C2orf76: variants seen among roughly 807,000 people sequenced by gnomAD.
C2orf76 encodes UPF0538 protein C2orf76.
Under a neutral mutation model 16.9 loss-of-function variants are expected in C2orf76, and 23 were observed. The ratio of observed to expected loss-of-function variants is 1.36; its 90% CI spans 0.98 to 1.93. The LOEUF (loss-of-function observed/expected upper bound fraction) is 1.93. Among genes scored for constraint, C2orf76 ranks in the 30% most tolerant of loss-of-function variants. C2orf76 has a pLI of 0.00. For missense variants in C2orf76, 152 were observed against 152.6 expected (o/e 1.00, Z 0.02); for synonymous variants, 48 against 52.3 (o/e 0.92, Z 0.35).
At chr2:119,311,573 A>T in intron 5 of C2orf76, 49 bp downstream of exon 5, 2 of 1,594,004 alleles carry the variant, frequency 1.3e-6, no homozygotes, top group South Asian at 1.1e-5. Context: ...AGGCCTCAGG[A>T]TAGGCCGGCA....
At chr2:119,338,290 C>A (rs778092698) in intron 2 of C2orf76, among the ~76,000 whole-genome samples, 1 of 152,118 alleles carries the variant, frequency 6.6e-6, no homozygotes, top group Non-Finnish European at 1.5e-5. Context: ...GAAAAGGTAT[C>A]CTGCCCACCT....
chr2:119,320,467 T>C (rs1198653293), intron 3 of C2orf76, among the ~76,000 whole-genome samples: 1 of 152,186 alleles, frequency 6.6e-6, no homozygotes, highest in Non-Finnish European at 1.5e-5. Context: ...TCACTACCCC[T>C]TATAACCTCA....
intron 5 of C2orf76, 138 bp downstream of exon 5, chr2:119,311,484 T>A: frequency 7.0e-7 from 1 of 1,437,398 alleles, no homozygotes. Flanking sequence ...ATCCTCCTCC[T>A]CTGAACAGTT....
chr2:119,282,862 T>A, the C2orf76 span, among the ~76,000 whole-genome samples: 3 of 152,120 alleles, frequency 2.0e-5, no homozygotes, highest in African/African-American at 2.4e-5. Context: ...GGTGGAAGCA[T>A]TAAACCTAGA....
the C2orf76 span, among the ~76,000 whole-genome samples, chr2:119,282,617 C>T: frequency 2.6e-5 from 4 of 152,322 alleles, no homozygotes; most frequent in Admixed American, 2.0e-4. Context: ...GTAAAGCGTC[C>T]GTCTCTGCCG....
At chr2:119,297,717 C>CA (rs1238161818), downstream of C2orf76, among the ~76,000 whole-genome samples, 2 of 152,146 alleles carry the variant, frequency 1.3e-5, no homozygotes, top group Admixed American at 6.5e-5. Context: ...AGGCTGGACT[C>CA]AAACTCGTGA....
upstream of C2orf76, chr2:119,367,123 G>A (rs1411984595): frequency 1.9e-6 from 3 of 1,606,588 alleles, no homozygotes; most frequent in Non-Finnish European, 2.5e-6. Context: ...TGGGGGCTCA[G>A]CCGGCTGCCA....
intron 5 of C2orf76, among the ~76,000 whole-genome samples, chr2:119,304,439 G>A (rs1429348241): frequency 6.6e-6 from 1 of 152,228 alleles, no homozygotes; most frequent in African/African-American, 2.4e-5. Flanking sequence ...AGAAGCTGCT[G>A]GAAAGCAAGG....
At chr2:119,288,069 T>G in the C2orf76 span, among the ~76,000 whole-genome samples, 2 of 150,554 alleles carry the variant, frequency 1.3e-5, no homozygotes, top group Non-Finnish European at 3.0e-5. Flanking sequence ...TTCTGCATCT[T>G]GACTTAGATG....
chr2:119,318,133 C>T (rs946406753), intron 3 of C2orf76, among the ~76,000 whole-genome samples: 2 of 152,310 alleles, frequency 1.3e-5, no homozygotes, highest in Admixed American at 1.3e-4. Flanking sequence ...TGAAGTCAGG[C>T]TACACTGTGC....
chr2:119,311,324 A>G, intron 5 of C2orf76: 1 of 985,446 alleles, frequency 1.0e-6, no homozygotes, highest in Non-Finnish European at 1.2e-6. Flanking sequence ...TGATAAGAGT[A>G]AGTAGACGTG....
intron 1 of C2orf76, among the ~76,000 whole-genome samples, chr2:119,362,543 AT>A (rs1680777266): frequency 6.6e-6 from 1 of 152,224 alleles, no homozygotes; most frequent in African/African-American, 2.4e-5. Flanking sequence ...TTAGAAGAGA[AT>A]ATATAACACA....
intron 2 of C2orf76, among the ~76,000 whole-genome samples, chr2:119,323,867 G>A (rs749695861): frequency 3.9e-5 from 6 of 152,194 alleles, no homozygotes; most frequent in Non-Finnish European, 7.3e-5. Flanking sequence ...AATGCTACAA[G>A]TCTAGGGTTT....
chr2:119,350,459 T>G (rs1211280912), intron 1 of C2orf76, among the ~76,000 whole-genome samples: 1 of 152,154 alleles, frequency 6.6e-6, no homozygotes, highest in Non-Finnish European at 1.5e-5. Context: ...CCAGCTAGTT[T>G]GGGGCAATGC....
intron 5 of C2orf76, among the ~76,000 whole-genome samples, chr2:119,307,230 A>C (rs1678818585): frequency 6.6e-6 from 1 of 151,858 alleles, no homozygotes; most frequent in Non-Finnish European, 1.5e-5. Flanking sequence ...ACTTGAAGTC[A>C]GGAGTTCAAG....
chr2:119,329,905 C>T (rs1362836786), intron 2 of C2orf76, among the ~76,000 whole-genome samples: 1 of 151,884 alleles, frequency 6.6e-6, no homozygotes, highest in African/African-American at 2.4e-5. Context: ...TTACCATTTC[C>T]AGTACTCTCT....
chr2:119,292,283 G>C, the C2orf76 span, among the ~76,000 whole-genome samples: 1 of 152,138 alleles, frequency 6.6e-6, no homozygotes, highest in East Asian at 1.9e-4. Context: ...CCAGGGAACA[G>C]TTCAAACAGA....
At chr2:119,309,652 T>G (rs1429249530) in intron 5 of C2orf76, among the ~76,000 whole-genome samples, 2 of 152,130 alleles carry the variant, frequency 1.3e-5, no homozygotes, top group East Asian at 3.8e-4. Context: ...ATTCCTGACC[T>G]CAAGTGATCC....
intron 2 of C2orf76, among the ~76,000 whole-genome samples, chr2:119,326,070 A>G (rs1007618613): frequency 6.6e-6 from 1 of 152,238 alleles, no homozygotes; most frequent in Non-Finnish European, 1.5e-5. Context: ...TTGAAAAGGA[A>G]AAGTTTTTAA....
Sources: allele counts gnomAD v4.1 joint callset (sites outside exome capture counted in the v4.1 genomes callset), GRCh38; gene constraint gnomAD v4.1.1; transcripts MANE v1.5; gene names NCBI Gene and HGNC (gene_info 2026-07-23, HGNC 2026-07-21).